Variants in TLN2 observed in about 807,000 individuals in gnomAD.
The protein encoded by TLN2 is talin 2.
TLN2 carries 118 observed loss-of-function variants against 294.7 expected under a neutral mutation model. The ratio of observed to expected loss-of-function variants is 0.40; its 90% confidence interval spans 0.34 to 0.47. TLN2 has a LOEUF of 0.47. Among genes scored for constraint, TLN2 ranks in the 20% least tolerant of loss-of-function variants. TLN2 has a pLI of 0.84. For synonymous variants in TLN2, 1,431 were observed against 1,304.5 expected, an observed-to-expected ratio of 1.10 and a Z score of -2.09; for missense variants, 3,083 against 3,282.2, an observed-to-expected ratio of 0.94 and a Z score of 1.48.
intron 1 of TLN2, among the ~76,000 whole-genome samples, chr15:62,406,974 G>C (rs992493981): frequency 1.3e-5 from 2 of 152,098 alleles, no homozygotes; most frequent in Non-Finnish European, 1.5e-5. Flanking sequence ...GGGATGGGGG[G>C]TACAATTCAA....
intron 1 of TLN2, among the ~76,000 whole-genome samples, chr15:62,573,025 T>G (rs1382160531): frequency 1.3e-5 from 2 of 152,192 alleles, no homozygotes; most frequent in African/African-American, 4.8e-5. Context: ...GTGGCTCCAG[T>G]GCCCCTGCAG....
At chr15:62,801,106 T>C (rs541424200) in intron 50 of TLN2, among the ~76,000 whole-genome samples, 1 of 152,362 alleles carries the variant, frequency 6.6e-6, no homozygotes, top group South Asian at 2.1e-4. Flanking sequence ...CCTGGAGCAT[T>C]AATTCTGTGA....
At chr15:62,545,840 A>G (rs925669132) in intron 1 of TLN2, among the ~76,000 whole-genome samples, 4 of 152,206 alleles carry the variant, frequency 2.6e-5, no homozygotes, top group African/African-American at 9.6e-5. Flanking sequence ...CGGAATATCA[A>G]ACCAAAGTTG....
chr15:62,605,903 C>T (rs1244409216), intron 2 of TLN2, among the ~76,000 whole-genome samples: 1 of 152,130 alleles, frequency 6.6e-6, no homozygotes, highest in East Asian at 1.9e-4. Flanking sequence ...CAATCAGGGG[C>T]AGAAGGGCAG....
chr15:62,719,056 G>C (rs1410065395), intron 24 of TLN2, among the ~76,000 whole-genome samples: 1 of 152,152 alleles, frequency 6.6e-6, no homozygotes, highest in East Asian at 1.9e-4. Context: ...CACAACGATG[G>C]CCACAGTGCT....
At chr15:62,731,203 A>T (rs956139516) in intron 28 of TLN2, among the ~76,000 whole-genome samples, 7 of 150,882 alleles carry the variant, frequency 4.6e-5, no homozygotes, top group African/African-American at 1.7e-4. Context: ...TTTCTTCAAC[A>T]TATTTATCAC....
intron 3 of TLN2, chr15:62,637,816 T>C (rs1244427032): frequency 1.3e-5 from 2 of 152,252 alleles, no homozygotes; most frequent in African/African-American, 4.8e-5. Flanking sequence ...GTTTAAAGAC[T>C]AGTTTATGGA....
At chr15:62,536,336 A>G (rs2041350138) in intron 1 of TLN2, among the ~76,000 whole-genome samples, 1 of 152,204 alleles carries the variant, frequency 6.6e-6, no homozygotes, top group African/African-American at 2.4e-5. Flanking sequence ...CTTCCAGGTT[A>G]GAGGTCACAG....
chr15:62,821,331 G>C (rs1337757310), intron 54 of TLN2, among the ~76,000 whole-genome samples: 1 of 152,194 alleles, frequency 6.6e-6, no homozygotes, highest in African/African-American at 2.4e-5. Context: ...GAGGCGGCCT[G>C]TTTTTCTTCC....
intron 1 of TLN2, among the ~76,000 whole-genome samples, chr15:62,563,057 C>T (rs997652443): frequency 6.6e-6 from 1 of 151,468 alleles, no homozygotes; most frequent in South Asian, 2.1e-4. Flanking sequence ...TATAAACATG[C>T]ATGTATAAGT....
At chr15:62,489,333 G>C (rs545246130) in intron 1 of TLN2, among the ~76,000 whole-genome samples, 29 of 152,184 alleles carry the variant, frequency 1.9e-4, no homozygotes, top group African/African-American at 6.3e-4. Context: ...ACAAACTCAG[G>C]TGCAACTTCT....
At chr15:62,450,913 T>G (rs2140320814) in intron 1 of TLN2, among the ~76,000 whole-genome samples, 1 of 151,998 alleles carries the variant, frequency 6.6e-6, no homozygotes, top group Non-Finnish European at 1.5e-5. Context: ...TGTTTCTCCG[T>G]TTTTGTTCTT....
chr15:62,538,282 C>T (rs2041478230), intron 1 of TLN2, among the ~76,000 whole-genome samples: 2 of 152,124 alleles, frequency 1.3e-5, no homozygotes, highest in Non-Finnish European at 2.9e-5. Context: ...ATCTAATATC[C>T]TCTCCATTCT....
chr15:62,521,992 T>C (rs2040483942), intron 1 of TLN2, among the ~76,000 whole-genome samples: 1 of 152,204 alleles, frequency 6.6e-6, no homozygotes, highest in South Asian at 2.1e-4. Flanking sequence ...ACTGGTCGTT[T>C]TGCCTAAACT....
intron 9 of TLN2, among the ~76,000 whole-genome samples, chr15:62,660,924 A>G (rs2053748034): frequency 1.3e-5 from 2 of 152,234 alleles, no homozygotes; most frequent in Non-Finnish European, 2.9e-5. Context: ...TTTAAACTGT[A>G]TTTTAAGTGC....
At chr15:62,819,409 C>A in intron 52 of TLN2, 107 bp from the exon 53 acceptor site, 2 of 926,966 alleles carry the variant, frequency 2.2e-6, no homozygotes, top group Non-Finnish European at 3.4e-6. Context: ...AGAGATGCAA[C>A]TTAAAACCAG....
intron 43 of TLN2, among the ~76,000 whole-genome samples, chr15:62,778,040 C>A (rs900597649): frequency 2.6e-5 from 4 of 152,200 alleles, no homozygotes; most frequent in Admixed American, 6.5e-5. Context: ...TAAGGTTTTT[C>A]AGGATAATAA....
intron 1 of TLN2, among the ~76,000 whole-genome samples, chr15:62,466,037 T>C (rs901418121): frequency 3.9e-5 from 6 of 152,192 alleles, no homozygotes; most frequent in African/African-American, 1.4e-4. Context: ...TGCTCCCTTT[T>C]CCAGAGGAAA....
At chr15:62,450,567 GTGTGTGTC>G (rs1303288002) in intron 1 of TLN2, among the ~76,000 whole-genome samples, 1 of 150,784 alleles carries the variant, frequency 6.6e-6, no homozygotes, top group African/African-American at 2.5e-5. Context: ...GTGTGTGTGT[GTGTGTGTC>G]TGTGTGTGTG....
Sources: allele counts gnomAD v4.1 joint callset (sites outside exome capture counted in the v4.1 genomes callset), GRCh38; gene constraint gnomAD v4.1.1; transcripts MANE v1.5; gene names NCBI Gene and HGNC (gene_info 2026-07-23, HGNC 2026-07-21).